The following ERG variants were observed in gnomAD, a reference collection of about 807,000 sequenced individuals.
ERG encodes ETS transcription factor ERG, also known as transcriptional regulator ERG.
Under a neutral mutation model 55.3 loss-of-function variants are expected in ERG, and 9 were observed. The ratio of observed to expected loss-of-function variants is 0.16; its 90% CI spans 0.10 to 0.28. ERG has a LOEUF of 0.28. Among genes scored for constraint, ERG ranks in the 10% least tolerant of loss-of-function variants. The pLI is 1.00. For missense variants in ERG, 434 were observed against 631.6 expected, an observed-to-expected ratio of 0.69 and a Z score of 3.35; for synonymous variants, 223 against 237.3, an observed-to-expected ratio of 0.94 and a Z score of 0.55.
chr21:38,390,719 T>C (rs2146426366), intron 9 of ERG, among the ~76,000 whole-genome samples: 1 of 152,294 alleles, frequency 6.6e-6, no homozygotes, highest in Middle Eastern at 3.4e-3. Context: ...TGCGAGACAA[T>C]AAACTGTTGT....
chr21:38,434,399 T>C (rs1488800022), intron 2 of ERG, among the ~76,000 whole-genome samples: 1 of 152,204 alleles, frequency 6.6e-6, no homozygotes, highest in East Asian at 1.9e-4. Flanking sequence ...ATTCACCTGT[T>C]CACCACCTGG....
intron 1 of ERG, among the ~76,000 whole-genome samples, chr21:38,479,287 T>C (rs1342519802): frequency 6.6e-6 from 1 of 152,134 alleles, no homozygotes; most frequent in South Asian, 2.1e-4. Flanking sequence ...GAGATATCAG[T>C]GAATGGAGCC....
chr21:38,403,194 T>C (rs1416011160), intron 4 of ERG, among the ~76,000 whole-genome samples: 1 of 152,228 alleles, frequency 6.6e-6, no homozygotes, highest in East Asian at 1.9e-4. Flanking sequence ...TTAACTAATG[T>C]GTGACCAGTT....
chr21:38,549,775 C>T (rs1350332333), intron 2 of ERG, among the ~76,000 whole-genome samples: 2 of 152,058 alleles, frequency 1.3e-5, no homozygotes, highest in African/African-American at 4.8e-5. Flanking sequence ...CAGACTGACA[C>T]AAAAATTAAA....
At chr21:38,449,592 T>C (rs1459028371) in intron 1 of ERG, among the ~76,000 whole-genome samples, 2 of 152,186 alleles carry the variant, frequency 1.3e-5, no homozygotes, top group Admixed American at 1.3e-4. Context: ...CAAAATACAT[T>C]AGAACACTGA....
intron 1 of ERG, among the ~76,000 whole-genome samples, chr21:38,627,054 A>G (rs2060329016): frequency 6.6e-6 from 1 of 152,198 alleles, no homozygotes; most frequent in Non-Finnish European, 1.5e-5. Context: ...TGAAACTATC[A>G]AAACTTGAGT....
At chr21:38,533,718 C>T (rs1568889784) in intron 2 of ERG, among the ~76,000 whole-genome samples, 1 of 152,140 alleles carries the variant, frequency 6.6e-6, no homozygotes, top group Non-Finnish European at 1.5e-5. Context: ...AACACTTAGG[C>T]TACACAAAAG....
chr21:38,470,080 C>A (rs2146619036), intron 1 of ERG, among the ~76,000 whole-genome samples: 1 of 152,244 alleles, frequency 6.6e-6, no homozygotes, highest in Admixed American at 6.5e-5. Context: ...TCTCCGGAAC[C>A]CACTGCACAG....
intron 2 of ERG, among the ~76,000 whole-genome samples, chr21:38,563,492 C>T (rs570273073): frequency 1.3e-4 from 20 of 152,272 alleles, no homozygotes; most frequent in Admixed American, 2.0e-4. Flanking sequence ...TCTATGAAAG[C>T]GCAGACACAT....
intron 6 of ERG, among the ~76,000 whole-genome samples, chr21:38,396,315 G>A (rs1038247823): frequency 7.2e-5 from 11 of 152,220 alleles, no homozygotes; most frequent in African/African-American, 2.4e-4. Flanking sequence ...GCATATCCCT[G>A]TGGTTATATA....
Position 38,383,061 on chromosome 21 carries a change from G to A in ERG, c.*342C>T. On this transcript the variant is annotated 3_prime_UTR_variant, in exon 10 of 10. Coordinates refer to ENST00000288319, the MANE Select transcript of ERG (RefSeq NM_182918.4). The surrounding 1 kb of genome is among the most constrained non-coding windows in gnomAD (Gnocchi z 5.7). ...TAGTTTCATCCCAGTTTGCATTAGTGGGATTCCAAACTCTACTCTAAAGTT... is the reference window on the plus strand; with the variant it reads ...TAGTTTCATCCCAGTTTGCATTAGTAGGATTCCAAACTCTACTCTAAAGTT... The A allele has an allele frequency of 1.8e-6, 2 of 1,099,912 alleles. No individual in the cohort carries two copies. Among genetic ancestry groups the A allele is most frequent in the Non-Finnish European group, 2.2e-6 (2 of 903,268 alleles). The allele number at this position is 1,099,912 out of a possible 1,614,324, so 68.1% of individuals were successfully genotyped here. A position where few individuals can be genotyped will look rare whatever the true frequency, so the allele number is the denominator to read the frequency against.
chr21:38,647,527 G>A (rs191306259), intron 1 of ERG, among the ~76,000 whole-genome samples: 1 of 151,994 alleles, frequency 6.6e-6, no homozygotes, highest in African/African-American at 2.4e-5. Context: ...ATGTGAGGAG[G>A]GACAATTAGG....
chr21:38,419,095 C>T (rs1195375712), intron 3 of ERG, among the ~76,000 whole-genome samples: 4 of 152,100 alleles, frequency 2.6e-5, no homozygotes, highest in South Asian at 2.1e-4. Flanking sequence ...CTTGGGTTTA[C>T]GACAGTGTAA....
chr21:38,613,515 C>A (rs2060240858), intron 1 of ERG, among the ~76,000 whole-genome samples: 1 of 152,258 alleles, frequency 6.6e-6, no homozygotes, highest in South Asian at 2.1e-4. Context: ...ACATAAGGGC[C>A]CTCTCCCAAA....
chr21:38,571,490 A>C (rs141938445), intron 2 of ERG, among the ~76,000 whole-genome samples: 2 of 152,070 alleles, frequency 1.3e-5, no homozygotes, highest in Non-Finnish European at 2.9e-5. Context: ...CAGCCTGGGC[A>C]ACAGAGCAAG....
chr21:38,592,571 C>CTCTGTG (rs1555871066), intron 1 of ERG, among the ~76,000 whole-genome samples: 14 of 147,996 alleles, frequency 9.5e-5, no homozygotes, highest in African/African-American at 3.5e-4. Flanking sequence ...TCTCCCTTCA[C>CTCTGTG]TGTGTGTGTG....
rs1987512182 is a variant in ERG at position 38,382,870 on chromosome 21, A to G, written c.*533T>C. On this transcript the variant is annotated 3_prime_UTR_variant, in exon 10 of 10. Transcript: ENST00000288319. The stretch of plus-strand genomic sequence containing the variant: ...GAATGTATTTGATTTCAACCAAAAC[A>G]GCACATGCCATGCAGTTGCATATCA... 8.4e-6 allele frequency: 9 copies of G among 1,066,336 alleles called. No homozygotes were observed. Among genetic ancestry groups the G allele is most frequent in the African/African-American group, 1.6e-5 (1 of 61,132 alleles). 66.1% of individuals were successfully genotyped at this position (1,066,336 alleles called of 1,614,324 possible).
chr21:38,412,131 C>G (rs1348777515), intron 3 of ERG, among the ~76,000 whole-genome samples: 1 of 151,992 alleles, frequency 6.6e-6, no homozygotes, highest in East Asian at 1.9e-4. Context: ...ATTTTTTAGT[C>G]TAGTCTATCA....
intron 1 of ERG, among the ~76,000 whole-genome samples, chr21:38,651,607 T>C (rs1033530595): frequency 6.6e-6 from 1 of 152,242 alleles, no homozygotes; most frequent in African/African-American, 2.4e-5. Context: ...TTAAAATTAA[T>C]TCCACCTGTC....
Sources: gnomAD v4.1 joint callset for allele counts (sites outside exome capture counted in the v4.1 genomes callset) on GRCh38, gnomAD v4.1.1 for gene constraint, Gnocchi (gnomAD v3.1) non-coding constraint, MANE v1.5 for transcripts, NCBI Gene and HGNC (gene_info 2026-07-23, HGNC 2026-07-21) for gene names.